Variants in CTBP2 observed in about 807,000 individuals in gnomAD.
CTBP2 encodes C-terminal binding protein 2.
A neutral mutation model predicts 80.3 loss-of-function variants in CTBP2; 30 were observed. The observed-to-expected ratio is 0.37, with a 90% confidence interval of 0.28 to 0.51. The LOEUF is 0.51. CTBP2 is among the 20% of genes least tolerant of loss of function. The probability of loss-of-function intolerance (pLI) is 0.93; values close to 1 mark genes in which losing one functional copy is unlikely to be tolerated. For synonymous variants in CTBP2, 594 were observed against 587.4 expected, an observed-to-expected ratio of 1.01 and a Z score of -0.16; for missense variants, 1,212 against 1,375.3, an observed-to-expected ratio of 0.88 and a Z score of 1.88.
chr10:125,152,446 C>G (rs569964334), intron 1 of CTBP2, among the ~76,000 whole-genome samples: 1 of 152,308 alleles, frequency 6.6e-6, no homozygotes, highest in East Asian at 1.9e-4. Flanking sequence ...TTCCAGGCGC[C>G]CCAGGCCCCC....
intron 1 of CTBP2, among the ~76,000 whole-genome samples, chr10:125,129,267 C>CT (rs1473739310): frequency 6.6e-6 from 1 of 151,992 alleles, no homozygotes; most frequent in Non-Finnish European, 1.5e-5. Flanking sequence ...CCCAAGGGGA[C>CT]TTTCCGGAGT....
chr10:125,032,832 ACTT>A (rs558163284), upstream of CTBP2: 35 of 154,966 alleles, frequency 2.3e-4, no homozygotes, highest in African/African-American at 8.2e-4. Context: ...CCCCACAACC[ACTT>A]CAGCCCTCTG....
intron 1 of CTBP2, among the ~76,000 whole-genome samples, chr10:125,022,689 G>A (rs1590131977): frequency 6.6e-6 from 1 of 152,242 alleles, no homozygotes; most frequent in African/African-American, 2.4e-5. Context: ...CAGCACACAG[G>A]AAGGGCTGGA....
rs564770474 is a variant in CTBP2, at chr10:125,087,075, CTTTTTTTT to C, written c.-102+23907_-102+23914del. Among the ~76,000 whole-genome samples, 250 of 136,558 alleles carry C rather than the reference CTTTTTTTT, an allele frequency of 1.8e-3. 1 individual carries two copies. Among genetic ancestry groups the C allele is most frequent in the African/African-American group, 6.7e-3 (247 of 36,904 alleles). The allele number at this position is 136,558 out of a possible 152,430, so 89.6% of individuals were successfully genotyped here. ...AAAGGAAAATTTGGGCAATTTCTTT[CTTTTTTTT>C]TTTTTTTTTGAGACAGAGTCTCGTT... On this transcript the variant is annotated intron_variant, in intron 2 of 10. Coordinates refer to the CTBP2 transcript ENST00000337195.
intron 1 of CTBP2, among the ~76,000 whole-genome samples, chr10:125,144,445 A>G (rs2133310571): frequency 6.6e-6 from 1 of 152,370 alleles, no homozygotes; most frequent in South Asian, 2.1e-4. Flanking sequence ...AAAATAAGCC[A>G]ATGTATAACA....
chr10:125,098,920 C>T (rs116947067), intron 2 of CTBP2, among the ~76,000 whole-genome samples: 3,247 of 152,248 alleles, frequency 0.021, 54 homozygotes, highest in Middle Eastern at 0.061. Flanking sequence ...TCCATCCCCA[C>T]CACTGGGTGT....
chr10:125,062,895 G>A (rs1965264315), intron 2 of CTBP2, among the ~76,000 whole-genome samples: 1 of 152,146 alleles, frequency 6.6e-6, no homozygotes. Flanking sequence ...AACCACTGAG[G>A]GCACCCAAGG....
chr10:125,161,545 C>G (rs867063430), upstream of CTBP2, among the ~76,000 whole-genome samples: 137 of 151,920 alleles, frequency 9.0e-4, no homozygotes, highest in African/African-American at 3.0e-3. Flanking sequence ...CTCAGGCCCG[C>G]GGGGTCAGGC....
chr10:125,058,563 G>A (rs753575210), intron 2 of CTBP2, among the ~76,000 whole-genome samples: 7 of 152,086 alleles, frequency 4.6e-5, no homozygotes, highest in Non-Finnish European at 1.0e-4. Flanking sequence ...AGGCTGAGGC[G>A]GGCAGATCAC....
intron 2 of CTBP2, among the ~76,000 whole-genome samples, chr10:125,068,216 G>A (rs576217780): frequency 3.9e-4 from 59 of 152,186 alleles, no homozygotes; most frequent in Admixed American, 1.3e-4. Flanking sequence ...ATCTGCGAAG[G>A]ACACGTCCAT....
intron 2 of CTBP2, among the ~76,000 whole-genome samples, chr10:125,102,304 A>G (rs1850754459): frequency 6.6e-6 from 1 of 152,210 alleles, no homozygotes; most frequent in Non-Finnish European, 1.5e-5. Flanking sequence ...TGCAATTAGA[A>G]TCATTACCTT....
chr10:125,046,937 C>G (rs1014766746), intron 2 of CTBP2, among the ~76,000 whole-genome samples: 15 of 152,158 alleles, frequency 9.9e-5, no homozygotes, highest in Non-Finnish European at 1.9e-4. Flanking sequence ...TTGCTAAAAG[C>G]TATAATCAAG....
chr10:125,024,195 G>A (rs1957324100), intron 1 of CTBP2, among the ~76,000 whole-genome samples: 1 of 152,220 alleles, frequency 6.6e-6, no homozygotes, highest in Non-Finnish European at 1.5e-5. Flanking sequence ...GTACACAGCT[G>A]AAGCGCTACC....
At chr10:124,992,480 C>T (rs1481794667) in intron 8 of CTBP2, among the ~76,000 whole-genome samples, 1 of 152,136 alleles carries the variant, frequency 6.6e-6, no homozygotes, top group Non-Finnish European at 1.5e-5. Context: ...TGACCGAACA[C>T]ACCCCCTTTT....
rs145455698 is a variant in CTBP2, at chr10:125,035,530, G to A, written c.58+3467C>T. On this transcript the variant is annotated intron_variant, in intron 3 of 10. Coordinates refer to the CTBP2 transcript ENST00000337195. ...TTTTCAAGTTGCAATCGCAACAGCC[G>A]CAGGAAAGGGGAGCAGTGTTTACAG... 5.4e-3 allele frequency among the ~76,000 whole-genome samples: 818 copies of A among 152,266 alleles called. 7 individuals carry two copies. Among genetic ancestry groups the A allele is most frequent in the African/African-American group, 0.019 (775 of 41,526 alleles).
chr10:125,161,432 C>G (rs1323709689), upstream of CTBP2, among the ~76,000 whole-genome samples: 1 of 151,984 alleles, frequency 6.6e-6, no homozygotes, highest in South Asian at 2.1e-4. Flanking sequence ...CGGGTGGCCC[C>G]GGTCCCATGG....
chr10:124,989,608 G>A lies in CTBP2; in HGVS notation c.2868C>T (p.Asn956=). The change falls in exon 9 of 9, where the codon AAC becomes AAT. Residue 956 remains asparagine, a synonymous_variant. Transcript: ENST00000309035. Reference sequence around the variant, plus strand: ...GGGAAGGATGTGCCACTGTCGGGAGGTTGTGAGTCACTGGGATGCCTCCAG... The same window carrying A: ...GGGAAGGATGTGCCACTGTCGGGAGATTGTGAGTCACTGGGATGCCTCCAG... The A allele has an allele frequency of 6.2e-7, 1 of 1,613,088 alleles. No individual in the cohort carries two copies. The highest frequency in any genetic ancestry group is 8.5e-7 in the Non-Finnish European group (1 of 1,179,600).
At chr10:125,149,381 G>C (rs183970565) in intron 1 of CTBP2, among the ~76,000 whole-genome samples, 72 of 152,328 alleles carry the variant, frequency 4.7e-4, no homozygotes, top group African/African-American at 1.7e-3. Context: ...GAAGTGGAAG[G>C]AGACCTGTTT....
intron 2 of CTBP2, among the ~76,000 whole-genome samples, chr10:125,056,448 G>A (rs145221827): frequency 6.6e-6 from 1 of 152,276 alleles, no homozygotes; most frequent in East Asian, 1.9e-4. Context: ...GTGCAGGCAG[G>A]ATACACACAC....
Sources: gnomAD v4.1 joint callset for allele counts (sites outside exome capture counted in the v4.1 genomes callset) on GRCh38, gnomAD v4.1.1 for gene constraint, MANE v1.5 for transcripts, NCBI Gene and HGNC (gene_info 2026-07-23, HGNC 2026-07-21) for gene names.